Variants in WWOX observed in about 807,000 individuals in gnomAD.
WWOX encodes the protein WW domain containing oxidoreductase, also known as WW domain-containing oxidoreductase.
WWOX carries 69 observed loss-of-function variants against 46.2 expected under a neutral mutation model. The ratio of observed to expected loss-of-function variants is 1.49; its 90% CI spans 1.23 to 1.82. The LOEUF (loss-of-function observed/expected upper bound fraction) is 1.82, where lower values mean the gene tolerates loss of function less well. Among genes scored for constraint, WWOX ranks in the 40% most tolerant of loss-of-function variants. The probability of loss-of-function intolerance (pLI) is 0.00; values close to 1 mark genes in which losing one functional copy is unlikely to be tolerated. For missense variants in WWOX, 919 were observed against 542.6 expected, an observed-to-expected ratio of 1.69 and a Z score of -6.89; for synonymous variants, 359 against 202.6, an observed-to-expected ratio of 1.77 and a Z score of -6.56.
chr16:78,547,204 G>C (rs929982619), intron 8 of WWOX, among the ~76,000 whole-genome samples: 1 of 150,132 alleles, frequency 6.7e-6, no homozygotes, highest in Non-Finnish European at 1.5e-5. Context: ...CAACCCACGG[G>C]GATAGGGTGA....
At chr16:78,205,653 C>G (rs555866483) in intron 5 of WWOX, among the ~76,000 whole-genome samples, 21 of 152,090 alleles carry the variant, frequency 1.4e-4, no homozygotes, top group African/African-American at 4.8e-4. Flanking sequence ...ATCCATCTAC[C>G]CACTCATCTA....
chr16:78,210,955 A>G (rs2036540845), intron 5 of WWOX, among the ~76,000 whole-genome samples: 1 of 152,180 alleles, frequency 6.6e-6, no homozygotes, highest in Non-Finnish European at 1.5e-5. Context: ...TACATCTGGG[A>G]TAAAGTGGCC....
chr16:78,512,517 ATTGAATGC>A, intron 8 of WWOX, among the ~76,000 whole-genome samples: 1 of 152,300 alleles, frequency 6.6e-6, no homozygotes, highest in South Asian at 2.1e-4. Context: ...TTTACTTAGC[ATTGAATGC>A]ATGATTAGAA....
At chr16:79,042,495 C>A (rs573328183) in intron 8 of WWOX, among the ~76,000 whole-genome samples, 1 of 152,096 alleles carries the variant, frequency 6.6e-6, no homozygotes, top group Non-Finnish European at 1.5e-5. Context: ...TGATCCTATT[C>A]GCATGATAAA....
intron 8 of WWOX, among the ~76,000 whole-genome samples, chr16:79,097,698 A>C (rs1388659706): frequency 1.3e-5 from 2 of 152,132 alleles, no homozygotes; most frequent in Non-Finnish European, 2.9e-5. Flanking sequence ...TGTTTCCAAA[A>C]GATCTTTGGA....
chr16:78,605,057 G>A (rs1335263427), intron 8 of WWOX, among the ~76,000 whole-genome samples: 3 of 127,710 alleles, frequency 2.3e-5, no homozygotes, highest in Non-Finnish European at 4.9e-5. Flanking sequence ...CTTTTTAAAT[G>A]CTGATTTTGT....
At chr16:78,947,381 C>CG (rs397854901) in intron 8 of WWOX, among the ~76,000 whole-genome samples, 3 of 151,358 alleles carry the variant, frequency 2.0e-5, no homozygotes. Flanking sequence ...TCTTCCCCCC[C>CG]TTAGCTGTAT....
intron 8 of WWOX, among the ~76,000 whole-genome samples, chr16:78,741,977 C>G (rs2049238991): frequency 6.6e-6 from 1 of 152,202 alleles, no homozygotes; most frequent in Non-Finnish European, 1.5e-5. Flanking sequence ...CTCTGTCTCT[C>G]TCCCTCCTTA....
intron 8 of WWOX, among the ~76,000 whole-genome samples, chr16:79,059,036 C>T (rs893794924): frequency 6.6e-6 from 1 of 152,118 alleles, no homozygotes; most frequent in Non-Finnish European, 1.5e-5. Context: ...ACTCTGATTT[C>T]TGGAGATTGT....
chr16:78,605,432 A>G (rs949625695), intron 8 of WWOX, among the ~76,000 whole-genome samples: 7 of 150,758 alleles, frequency 4.6e-5, no homozygotes, highest in African/African-American at 1.7e-4. Flanking sequence ...TCGCTCTTCT[A>G]CTCTCAGTGA....
chr16:79,012,520 C>G (rs909788489), intron 8 of WWOX, among the ~76,000 whole-genome samples: 1 of 152,160 alleles, frequency 6.6e-6, no homozygotes, highest in African/African-American at 2.4e-5. Context: ...CAGACAAGAG[C>G]CACTGCGCAG....
At chr16:78,581,793 G>T (rs1014469332) in intron 8 of WWOX, among the ~76,000 whole-genome samples, 5 of 152,068 alleles carry the variant, frequency 3.3e-5, no homozygotes, top group Non-Finnish European at 5.9e-5. Flanking sequence ...TAATACAAAA[G>T]TTTTCCCCAT....
intron 8 of WWOX, among the ~76,000 whole-genome samples, chr16:78,656,299 A>C (rs939574866): frequency 1.3e-5 from 2 of 152,028 alleles, no homozygotes; most frequent in Non-Finnish European, 2.9e-5. Context: ...CCACTCCAAC[A>C]TGCATGTCCT....
chr16:78,160,227 G>C (rs1249459788), intron 4 of WWOX, among the ~76,000 whole-genome samples: 2 of 151,870 alleles, frequency 1.3e-5, no homozygotes, highest in African/African-American at 4.8e-5. Flanking sequence ...CTGTCACCCA[G>C]GCTGGAGTGA....
intron 4 of WWOX, among the ~76,000 whole-genome samples, chr16:78,149,484 C>T (rs1182524990): frequency 2.0e-5 from 3 of 152,166 alleles, no homozygotes; most frequent in Non-Finnish European, 4.4e-5. Context: ...TTTGCCAATG[C>T]ATCACTGTCT....
chr16:78,405,122 A>C (rs1419275530), intron 6 of WWOX, among the ~76,000 whole-genome samples: 1 of 152,192 alleles, frequency 6.6e-6, no homozygotes, highest in Non-Finnish European at 1.5e-5. Flanking sequence ...GACATGAGGC[A>C]AAAATTTAAG....
chr16:79,123,344 C>T (rs1021342293), intron 8 of WWOX, among the ~76,000 whole-genome samples: 3 of 152,182 alleles, frequency 2.0e-5, no homozygotes, highest in Non-Finnish European at 2.9e-5. Context: ...AAATACTGCA[C>T]ATCTTGGCAT....
chr16:78,904,822 A>C (rs1314809779), intron 8 of WWOX, among the ~76,000 whole-genome samples: 10 of 152,132 alleles, frequency 6.6e-5, no homozygotes, highest in African/African-American at 2.2e-4. Context: ...TATGTTACTG[A>C]ATATTTCTTA....
intron 8 of WWOX, among the ~76,000 whole-genome samples, chr16:78,967,755 T>G (rs2046390044): frequency 6.6e-6 from 1 of 152,096 alleles, no homozygotes; most frequent in African/African-American, 2.4e-5. Context: ...ACTCAGAAGC[T>G]GGAGACTGCA....
Sources: allele counts gnomAD v4.1 joint callset (sites outside exome capture counted in the v4.1 genomes callset), GRCh38; gene constraint gnomAD v4.1.1; transcripts MANE v1.5; gene names NCBI Gene and HGNC (gene_info 2026-07-23, HGNC 2026-07-21).